TBCK: variants seen among roughly 807,000 people sequenced by gnomAD.
TBCK encodes the protein TBC domain-containing protein kinase-like protein.
TBCK carries 99 observed loss-of-function variants against 113.4 expected under a neutral mutation model. That is an observed-to-expected ratio of 0.87 (90% CI 0.74 to 1.03). The LOEUF (loss-of-function observed/expected upper bound fraction) is 1.03, where lower values mean the gene tolerates loss of function less well. Ranked by LOEUF, TBCK falls within the 50% of genes least tolerant of loss-of-function variation. The probability of loss-of-function intolerance (pLI) is 0.00; values close to 1 mark genes in which losing one functional copy is unlikely to be tolerated. For synonymous variants in TBCK, 369 were observed against 370.8 expected (o/e 1.00, Z 0.05); for missense variants, 1,045 against 1,061.3 (o/e 0.98, Z 0.21).
Position 106,116,348 on chromosome 4 carries a change from TC to T in TBCK, c.2265del (p.Lys756SerfsTer13). On this transcript the variant is annotated frameshift_variant, in exon 24 of 26. Transcript: ENST00000394708. LOFTEE classifies it high-confidence loss of function. ...GAAATCCGTGGTGATACTTCTGACTTCAGGTCATTTAATGGGATGGATTCTC... is the reference window on the plus strand; with the variant it reads ...GAAATCCGTGGTGATACTTCTGACTTAGGTCATTTAATGGGATGGATTCTC... ...LSRESIPLND[L>X]KSEVSPRISA... The T allele has an allele frequency of 6.2e-7, 1 of 1,613,460 alleles. No homozygotes were observed. The highest frequency in any genetic ancestry group is 8.5e-7 in the Non-Finnish European group (1 of 1,179,794).
At chr4:106,217,773 T>C (rs986729819) in intron 19 of TBCK, among the ~76,000 whole-genome samples, 18 of 150,848 alleles carry the variant, frequency 1.2e-4, no homozygotes, top group African/African-American at 3.9e-4. Flanking sequence ...GAATCAATAT[T>C]GTGAAAATGG....
intron 19 of TBCK, among the ~76,000 whole-genome samples, chr4:106,225,935 G>A (rs892828102): frequency 6.6e-6 from 1 of 152,090 alleles, no homozygotes; most frequent in African/African-American, 2.4e-5. Context: ...GGAGAGGTGA[G>A]CGAATGGCTT....
chr4:106,223,745 T>C (rs181111907), intron 19 of TBCK, among the ~76,000 whole-genome samples: 242 of 152,276 alleles, frequency 1.6e-3, no homozygotes, highest in Non-Finnish European at 2.7e-3. Context: ...CAAAGTTTCA[T>C]TGGCCAAATA....
Position 106,250,476 on chromosome 4 carries a change from T to A in TBCK, c.600A>T (p.Gly200=). Residue 200 remains glycine (G), a splice_region_variant and synonymous_variant, in exon 7 of 26, where the codon GGA becomes GGT. Coordinates refer to ENST00000394708, the MANE Select transcript of TBCK (RefSeq NM_001163435.3). ...LGIILFELCV[G]RKLFQSLDIS... ...TATCCAAGCTCTGAAATAATTTTCT[T>A]CCCTAAATAAAATGAGAAAAGAAAT... 6.6e-7 allele frequency: 1 copy of A among 1,522,026 alleles called. No individual in the cohort carries two copies. Among genetic ancestry groups the A allele is most frequent in the South Asian group, 1.2e-5 (1 of 81,624 alleles). 94.3% of individuals were successfully genotyped at this position (1,522,026 alleles called of 1,614,324 possible).
intron 3 of TBCK, among the ~76,000 whole-genome samples, chr4:106,265,350 C>A (rs1762896882): frequency 6.6e-6 from 1 of 151,792 alleles, no homozygotes; most frequent in Admixed American, 6.6e-5. Context: ...ATGGGGTGTC[C>A]CCCCGAAGTA....
chr4:106,166,405 G>C (rs990196146), intron 23 of TBCK, among the ~76,000 whole-genome samples: 4 of 151,650 alleles, frequency 2.6e-5, no homozygotes, highest in Non-Finnish European at 5.9e-5. Flanking sequence ...TGTAAAAGAG[G>C]TAATTCCTTT....
At chr4:106,110,228 C>A (rs1371846935) in intron 24 of TBCK, among the ~76,000 whole-genome samples, 1 of 152,218 alleles carries the variant, frequency 6.6e-6, no homozygotes, top group African/African-American at 2.4e-5. Context: ...CCTTAGCCTA[C>A]TCTTTCACTC....
chr4:106,075,469 A>AT (rs1738068390), intron 25 of TBCK, among the ~76,000 whole-genome samples: 1 of 152,244 alleles, frequency 6.6e-6, no homozygotes, highest in Non-Finnish European at 1.5e-5. Flanking sequence ...TGGCTCTTTA[A>AT]TAAAAATATA....
chr4:106,220,550 GT>G (rs1757559073), intron 19 of TBCK, among the ~76,000 whole-genome samples: 1 of 76,810 alleles, frequency 1.3e-5, no homozygotes, highest in Admixed American at 1.6e-4. Context: ...AAAAGATGAG[GT>G]GCTGTATTCC....
intron 2 of TBCK, among the ~76,000 whole-genome samples, chr4:106,308,252 T>C (rs1383470840): frequency 1.3e-5 from 2 of 152,120 alleles, no homozygotes; most frequent in African/African-American, 4.8e-5. Context: ...CAAGTAAAGG[T>C]CCTTATCCTC....
intron 25 of TBCK, among the ~76,000 whole-genome samples, chr4:106,054,848 T>C: frequency 6.6e-6 from 1 of 151,692 alleles, no homozygotes; most frequent in Non-Finnish European, 1.5e-5. Flanking sequence ...AGTCAAATGC[T>C]AGTTGCTTTT....
At chr4:106,166,538 G>A (rs1048591776) in intron 23 of TBCK, among the ~76,000 whole-genome samples, 1 of 151,742 alleles carries the variant, frequency 6.6e-6, no homozygotes, top group Admixed American at 6.6e-5. Flanking sequence ...GTATGATGCT[G>A]AGGTTTAGGG....
At chr4:106,156,254 A>G (rs745684935) in intron 23 of TBCK, among the ~76,000 whole-genome samples, 6 of 152,164 alleles carry the variant, frequency 3.9e-5, no homozygotes, top group Non-Finnish European at 7.4e-5. Flanking sequence ...TGAGCCACCT[A>G]GAGCTTGGGG....
In TBCK at chr4:106,212,739, C is replaced by A; in HGVS notation, c.1860+11G>T. ...TTAACCACATGTTCTATTAATGCAC[C>A]AAGTACTTACATCTGGAATGAAACC... On this transcript the variant is annotated intron_variant, in intron 20 of 25. Coordinates refer to ENST00000394708, the MANE Select transcript of TBCK (RefSeq NM_001163435.3). The A allele has an allele frequency of 6.4e-7, 1 of 1,573,662 alleles. No homozygotes were observed. The highest frequency in any genetic ancestry group is 1.1e-5 in the South Asian group (1 of 87,842).
chr4:106,120,822 C>T (rs1206189441), intron 23 of TBCK, among the ~76,000 whole-genome samples: 13 of 152,206 alleles, frequency 8.5e-5, no homozygotes, highest in African/African-American at 1.4e-4. Context: ...CTGTACATCA[C>T]CATCATCAAA....
intron 25 of TBCK, among the ~76,000 whole-genome samples, chr4:106,077,949 C>T (rs1036922175): frequency 2.6e-5 from 4 of 152,152 alleles, no homozygotes; most frequent in Admixed American, 6.5e-5. Flanking sequence ...TCATACCAAA[C>T]ACATTCTCAG....
intron 23 of TBCK, among the ~76,000 whole-genome samples, chr4:106,147,240 G>GT (rs1350391363): frequency 6.6e-6 from 1 of 152,114 alleles, no homozygotes; most frequent in African/African-American, 2.4e-5. Context: ...AATCACAACT[G>GT]TTCTGAAAGG....
At chr4:106,269,349 G>A (rs978910053) in intron 3 of TBCK, among the ~76,000 whole-genome samples, 2 of 152,096 alleles carry the variant, frequency 1.3e-5, no homozygotes, top group African/African-American at 4.8e-5. Context: ...TATAATTCCA[G>A]AATTTGGGGA....
chr4:106,158,581 G>C (rs893156881), intron 23 of TBCK, among the ~76,000 whole-genome samples: 4 of 151,960 alleles, frequency 2.6e-5, no homozygotes, highest in Non-Finnish European at 4.4e-5. Flanking sequence ...GAAACACAAA[G>C]CTTACCAAGA....
Sources: allele counts gnomAD v4.1 joint callset (sites outside exome capture counted in the v4.1 genomes callset), GRCh38; gene constraint gnomAD v4.1.1; transcripts MANE v1.5; gene names NCBI Gene and HGNC (gene_info 2026-07-23, HGNC 2026-07-21).